The following PRDM16 variants were observed in gnomAD, a reference collection of about 807,000 sequenced individuals.
PRDM16 encodes the protein PR/SET domain 16.
PRDM16 carries 23 observed loss-of-function variants against 110.6 expected under a neutral mutation model. That is an observed-to-expected ratio of 0.21 (90% CI 0.15 to 0.29). The LOEUF is 0.29. Among genes scored for constraint, PRDM16 ranks in the 10% least tolerant of loss-of-function variants. The probability of loss-of-function intolerance (pLI) is 1.00; values close to 1 mark genes in which losing one functional copy is unlikely to be tolerated. For missense variants in PRDM16, 1,615 were observed against 1,794.3 expected, an observed-to-expected ratio of 0.90 and a Z score of 1.81; for synonymous variants, 799 against 781.8, an observed-to-expected ratio of 1.02 and a Z score of -0.37.
chr1:3,194,164 A>T (rs1342293894), intron 2 of PRDM16, among the ~76,000 whole-genome samples: 1 of 152,116 alleles, frequency 6.6e-6, no homozygotes, highest in Non-Finnish European at 1.5e-5. Context: ...CTCCCAAAGC[A>T]CTCGTCTGGC....
At chr1:3,160,588 C>T (rs1267306000) in intron 1 of PRDM16, among the ~76,000 whole-genome samples, 1 of 152,186 alleles carries the variant, frequency 6.6e-6, no homozygotes, top group Non-Finnish European at 1.5e-5. Flanking sequence ...CTCTTCACTG[C>T]CCACGAGGTG....
rs1262247382 is a variant in PRDM16 at position 3,434,324 on chromosome 1, C to G, written c.*513C>G. Reference sequence around the variant, plus strand: ...AAAATAGACAGTATTTTTTAAAAATCAAAAAATGACTTGCAAATTGTTTTT... The same window carrying G: ...AAAATAGACAGTATTTTTTAAAAATGAAAAAATGACTTGCAAATTGTTTTT... On this transcript the variant is annotated 3_prime_UTR_variant, in exon 17 of 17. Transcript: ENST00000270722. The G allele has an allele frequency of 4.3e-6, 1 of 232,390 alleles. No homozygotes were observed. The highest frequency in any genetic ancestry group is 6.1e-5 in the East Asian group (1 of 16,444). 14.4% of individuals were successfully genotyped at this position (232,390 alleles called of 1,614,324 possible).
Position 3,411,648 on chromosome 1 carries a change from G to A in PRDM16, c.1451G>A (p.Gly484Asp). 1 of 1,613,720 alleles carries A rather than the reference G, an allele frequency of 6.2e-7. No individual in the cohort carries two copies. Among genetic ancestry groups the A allele is most frequent in the Non-Finnish European group, 8.5e-7 (1 of 1,179,816 alleles). Reference sequence around the variant, plus strand: ...CCCAGCCTCAATCACGCCAGCCTGGGCTTCAACGAGTACTTTCCCTCCAGG... The same window carrying A: ...CCCAGCCTCAATCACGCCAGCCTGGACTTCAACGAGTACTTTCCCTCCAGG... ...PSPSLNHASL[G>D]FNEYFPSRPH... Residue 484 changes from glycine to aspartate, a missense_variant, in exon 9 of 17, where the codon GGC (glycine) becomes GAC (aspartate). By Grantham distance (94) the Gly-to-Asp change is moderately conservative. Coordinates refer to ENST00000270722, the MANE Select transcript of PRDM16 (RefSeq NM_022114.4).
At chr1:3,276,906 C>T (rs1640598373) in intron 3 of PRDM16, among the ~76,000 whole-genome samples, 1 of 152,166 alleles carries the variant, frequency 6.6e-6, no homozygotes, top group Non-Finnish European at 1.5e-5. Flanking sequence ...AAGTTCAGCA[C>T]TTCCTCCGCC....
chr1:3,117,362 T>C lies in PRDM16; in HGVS notation c.37+48066T>C, dbSNP rs539847459. Among the ~76,000 whole-genome samples, 43 of 152,206 alleles carry C rather than the reference T, an allele frequency of 2.8e-4. No homozygotes were observed. In the South Asian group the frequency reaches 8.5e-3, roughly 30 times the overall value. ...TTAGACCGTGCAGGGATGGGGCCAA[T>C]TGGAACCAGGGGTTCGGAGGGTCTC... On this transcript the variant is annotated intron_variant, in intron 1 of 16. Coordinates refer to ENST00000270722, the MANE Select transcript of PRDM16 (RefSeq NM_022114.4).
chr1:3,200,168 C>T (rs2100825448), intron 2 of PRDM16, among the ~76,000 whole-genome samples: 1 of 152,324 alleles, frequency 6.6e-6, no homozygotes, highest in East Asian at 1.9e-4. Flanking sequence ...GCCTGAGGGG[C>T]AGAGACTCTC....
rs1557667180 is a variant in PRDM16 at position 3,421,130 on chromosome 1, G to A, written c.2939+2386G>A. Among the ~76,000 whole-genome samples the A allele has an allele frequency of 2.6e-5, 4 of 152,342 alleles. No individual in the cohort carries two copies. In the South Asian group the frequency reaches 6.2e-4, roughly 24 times the overall value. On this transcript the variant is annotated intron_variant, in intron 12 of 16. Coordinates refer to ENST00000270722, the MANE Select transcript of PRDM16 (RefSeq NM_022114.4). ...TTTTTAGTTGTATTTTTACGGCTGGGTTTCAAAATCTCTTCTTTCTTCCTC... is the reference window on the plus strand; with the variant it reads ...TTTTTAGTTGTATTTTTACGGCTGGATTTCAAAATCTCTTCTTTCTTCCTC...
At chr1:3,300,808 AC>A (rs1402378077) in intron 3 of PRDM16, among the ~76,000 whole-genome samples, 1 of 152,206 alleles carries the variant, frequency 6.6e-6, no homozygotes, top group Non-Finnish European at 1.5e-5. Flanking sequence ...GAGCTGAGCA[AC>A]CGTGTATGGA....
chr1:3,270,884 G>A (rs1266331302), intron 3 of PRDM16, among the ~76,000 whole-genome samples: 2 of 151,908 alleles, frequency 1.3e-5, no homozygotes, highest in African/African-American at 4.8e-5. Context: ...TCCAGGAGGA[G>A]GACCGTTGGG....
At chr1:3,269,843 T>TCCCAGAGGAGGAAAGTCCCAGAGGAG (rs1640394407) in intron 3 of PRDM16, among the ~76,000 whole-genome samples, 1 of 77,768 alleles carries the variant, frequency 1.3e-5, no homozygotes, top group East Asian at 2.6e-4. Context: ...TCCCAGAGGA[T>TCCCAGAGGAGGAAAGTCCCAGAGGAG]GAAAGTCCCA....
At position 3,417,883 on chromosome 1, in the gene PRDM16, C is replaced by T. The variant is rs756209340; in HGVS notation, c.2747C>T (p.Ala916Val). 1.2e-4 allele frequency: 192 copies of T among 1,613,520 alleles called. No homozygotes were observed. The highest frequency in any genetic ancestry group is 1.6e-4 in the Middle Eastern group (1 of 6,084). The change falls in exon 11 of 17, where the codon GCG (alanine) becomes GTG (valine). Residue 916 changes from alanine (A) to valine (V), a missense_variant. Coordinates refer to ENST00000270722, the MANE Select transcript of PRDM16 (RefSeq NM_022114.4). ...CTGGAGAGCTTTGCAGCCATGAAGG[C>T]GGACTCGGGCAGCTCCCTGCAGCCC... Reference protein sequence around the residue: ...EKLESFAAMKADSGSSLQPLP... With the variant: ...EKLESFAAMKVDSGSSLQPLP...
chr1:3,074,524 C>T (rs1430843575), intron 1 of PRDM16, among the ~76,000 whole-genome samples: 3 of 152,280 alleles, frequency 2.0e-5, no homozygotes, highest in South Asian at 4.1e-4. Context: ...CAGGACATCA[C>T]GTGCGTCCAG....
rs1642948455 is a variant in PRDM16, at chr1:3,115,964, C to T, written c.37+46668C>T. 3.9e-5 allele frequency among the ~76,000 whole-genome samples: 6 copies of T among 152,182 alleles called. No homozygotes were observed. In the South Asian group the frequency reaches 1.2e-3, roughly 32 times the overall value. On this transcript the variant is annotated intron_variant, in intron 1 of 16. Transcript: ENST00000270722. ...GGCTGCTATCTAGGCTGTCCATGCCCCAGCCTCCCGGGAGGACTCCCAGGC... is the reference window on the plus strand; with the variant it reads ...GGCTGCTATCTAGGCTGTCCATGCCTCAGCCTCCCGGGAGGACTCCCAGGC...
intron 3 of PRDM16, among the ~76,000 whole-genome samples, chr1:3,306,201 C>T (rs1218499673): frequency 6.6e-6 from 1 of 152,218 alleles, no homozygotes; most frequent in Non-Finnish European, 1.5e-5. Flanking sequence ...AGAGATGGGA[C>T]CTGCCACACA....
chr1:3,336,606 G>T (rs556852115), intron 3 of PRDM16, among the ~76,000 whole-genome samples: 1 of 151,718 alleles, frequency 6.6e-6, no homozygotes, highest in African/African-American at 2.4e-5. Context: ...ATCTGTGTTG[G>T]TGTGAGTCTG....
intron 2 of PRDM16, among the ~76,000 whole-genome samples, chr1:3,222,999 C>G (rs925794875): frequency 6.6e-6 from 1 of 151,666 alleles, no homozygotes; most frequent in Non-Finnish European, 1.5e-5. Context: ...GACTCCCAGA[C>G]ATGAGCGTGC....
chr1:3,247,748 C>T (rs1473723557), intron 3 of PRDM16, among the ~76,000 whole-genome samples: 2 of 152,252 alleles, frequency 1.3e-5, no homozygotes, highest in Non-Finnish European at 2.9e-5. Flanking sequence ...CCTCGCCGTC[C>T]CTGCGCCCGT....
intron 3 of PRDM16, among the ~76,000 whole-genome samples, chr1:3,351,532 C>CCCTCTCT (rs1557626761): frequency 7.3e-4 from 2 of 2,724 alleles, no homozygotes; most frequent in Non-Finnish European, 2.0e-3. Flanking sequence ...CCGTCTCTGT[C>CCCTCTCT]CCCCTCCCTC....
At chr1:3,128,767 T>C (rs116147068) in intron 1 of PRDM16, among the ~76,000 whole-genome samples, 5,696 of 152,330 alleles carry the variant, frequency 0.037, 164 homozygotes, top group Middle Eastern at 0.065. Flanking sequence ...CCAATGGCTC[T>C]GGTTCCCTTA....
Sources: gnomAD v4.1 joint callset for allele counts (sites outside exome capture counted in the v4.1 genomes callset) on GRCh38, gnomAD v4.1.1 for gene constraint, MANE v1.5 for transcripts, NCBI Gene and HGNC (gene_info 2026-07-23, HGNC 2026-07-21) for gene names.